The following TFB2M variants were observed in gnomAD, a reference collection of about 807,000 sequenced individuals.
TFB2M encodes transcription factor B2, mitochondrial.
Under a neutral mutation model 41.3 loss-of-function variants are expected in TFB2M, and 44 were observed. The observed-to-expected ratio is 1.07, with a 90% CI of 0.84 to 1.37. The LOEUF is 1.37. TFB2M is among the 40% of genes most tolerant of loss of function. The pLI, the probability that TFB2M is intolerant of heterozygous loss-of-function variation, is 0.00. For synonymous variants in TFB2M, 188 were observed against 176.8 expected (o/e 1.06, Z -0.50); for missense variants, 496 against 490.2 (o/e 1.01, Z -0.11).
In TFB2M at chr1:246,564,342, A is replaced by G; in HGVS notation, c.402+4T>C. 6.2e-7 allele frequency: 1 copy of G among 1,613,812 alleles called. No individual in the cohort carries two copies. Among genetic ancestry groups the G allele is most frequent in the South Asian group, 1.1e-5 (1 of 91,066 alleles). ...TAACATACGTTGAGAAACTAAAAAT[A>G]TACCTCCAAATGTGGAATAAAAGTT... On this transcript the variant is annotated splice_donor_region_variant and intron_variant, in intron 2 of 7. Coordinates refer to ENST00000366514, the MANE Select transcript of TFB2M (RefSeq NM_022366.3).
At chr1:246,550,662 T>C (rs1266090136) in intron 5 of TFB2M, among the ~76,000 whole-genome samples, 1 of 152,168 alleles carries the variant, frequency 6.6e-6, no homozygotes, top group Admixed American at 6.5e-5. Context: ...GGCGGGTAGA[T>C]CACCTGAGGT....
intron 1 of TFB2M, among the ~76,000 whole-genome samples, chr1:246,565,127 T>G (rs1170808394): frequency 6.6e-6 from 1 of 152,202 alleles, no homozygotes; most frequent in African/African-American, 2.4e-5. Flanking sequence ...CAGAACTGAC[T>G]CCCTGTGATA....
At chr1:246,552,811 C>T (rs1659222093) in intron 4 of TFB2M, among the ~76,000 whole-genome samples, 1 of 151,960 alleles carries the variant, frequency 6.6e-6, no homozygotes, top group African/African-American at 2.4e-5. Context: ...TGGTAGCTCA[C>T]ACTTGTAATC....
chr1:246,541,267 C>G, intron 7 of TFB2M, 65 bp from the exon 8 acceptor site: 2 of 1,481,362 alleles, frequency 1.4e-6, no homozygotes, highest in Non-Finnish European at 1.8e-6. Context: ...TTCACGGTGA[C>G]AGAAATGGCT....
chr1:246,556,994 C>T (rs938275948), intron 3 of TFB2M, among the ~76,000 whole-genome samples: 1 of 152,032 alleles, frequency 6.6e-6, no homozygotes, highest in African/African-American at 2.4e-5. Context: ...ACAAATTCGG[C>T]GGGGTACGGT....
chr1:246,565,545 C>G (rs1224450359), intron 1 of TFB2M, among the ~76,000 whole-genome samples: 1 of 152,124 alleles, frequency 6.6e-6, no homozygotes, highest in Non-Finnish European at 1.5e-5. Context: ...AATCCCGTCT[C>G]TAGTAAAAAT....
intron 3 of TFB2M, 49 bp downstream of exon 3, chr1:246,557,332 G>A (rs770411081): frequency 3.2e-6 from 5 of 1,574,334 alleles, no homozygotes; most frequent in Admixed American, 1.9e-5. Flanking sequence ...TACTGCTAGA[G>A]ACACCTGGCA....
intron 7 of TFB2M, 24 bp from the exon 8 acceptor site, chr1:246,541,226 T>C (rs1278820524): frequency 5.6e-6 from 9 of 1,606,034 alleles, no homozygotes; most frequent in Non-Finnish European, 7.7e-6. Flanking sequence ...ACAAAGTAAA[T>C]GTACTTAATT....
chr1:246,557,291 T>C, intron 3 of TFB2M, 90 bp downstream of exon 3: 1 of 1,435,130 alleles, frequency 7.0e-7, no homozygotes, highest in Non-Finnish European at 9.5e-7. Context: ...AACAAATAAA[T>C]AAAACACAAA....
chr1:246,560,128 T>C (rs146691019), intron 2 of TFB2M, among the ~76,000 whole-genome samples: 1 of 152,148 alleles, frequency 6.6e-6, no homozygotes, highest in Non-Finnish European at 1.5e-5. Context: ...GCCACTGTTC[T>C]TATTACTGTA....
chr1:246,542,217 G>A (rs1224157901), intron 7 of TFB2M, among the ~76,000 whole-genome samples: 1 of 150,958 alleles, frequency 6.6e-6, no homozygotes, highest in Non-Finnish European at 1.5e-5. Flanking sequence ...GAGGTATAAC[G>A]AACACGCCTC....
rs1659285051 is a variant in TFB2M at position 246,555,067 on chromosome 1, C to T, written c.705+1506G>A. ...GAACAGACATTTCTTAAAAGATATA[C>T]AGTCAGTACGTACATAAAAATATAT... On this transcript the variant is annotated intron_variant, in intron 4 of 7. Transcript: ENST00000366514. Among the ~76,000 whole-genome samples, 4 of 152,144 alleles carry T rather than the reference C, an allele frequency of 2.6e-5. No individual in the cohort carries two copies. The South Asian group carries it at 8.3e-4, about 31-fold the overall frequency.
At chr1:246,557,724 G>A (rs1369440507) in intron 2 of TFB2M, among the ~76,000 whole-genome samples, 190 bp from the exon 3 acceptor site, 6 of 152,210 alleles carry the variant, frequency 3.9e-5, no homozygotes, top group Non-Finnish European at 5.9e-5. Context: ...CCAGGCTGGA[G>A]TGCAGTGGCG....
chr1:246,547,535 T>C (rs1279679753), intron 6 of TFB2M, among the ~76,000 whole-genome samples: 2 of 152,174 alleles, frequency 1.3e-5, no homozygotes, highest in East Asian at 3.8e-4. Context: ...AATCACAACA[T>C]TGAAAGAAAA....
chr1:246,565,948 G>C lies in TFB2M; in HGVS notation c.191C>G (p.Ala64Gly), dbSNP rs1294155368. ...EPDFRNPPRK[A>G]SKASLDFKRY... The stretch of plus-strand genomic sequence containing the variant: ...CTTAAAGTCTAAGCTGGCCTTAGAC[G>C]CCTTCCTTGGCGGATTCCTGAAATC... Residue 64 changes from alanine (A) to glycine (G), a missense_variant, in exon 1 of 8, where the codon GCG becomes GGG. Physicochemically the swap from Ala to Gly is moderately conservative, Grantham distance 60. Transcript: ENST00000366514. 2 of 1,614,194 alleles carry C rather than the reference G, an allele frequency of 1.2e-6. No individual in the cohort carries two copies. Among genetic ancestry groups the C allele is most frequent in the Non-Finnish European group, 8.5e-7 (1 of 1,180,038 alleles).
chr1:246,548,435 A>G (rs1194840836), intron 6 of TFB2M, 110 bp downstream of exon 6: 2 of 841,964 alleles, frequency 2.4e-6, no homozygotes, highest in Non-Finnish European at 3.6e-6. Flanking sequence ...ATGTTTCTAG[A>G]TATTTTAAAA....
At chr1:246,565,758 C>G (rs1659637380) in intron 1 of TFB2M, 68 bp downstream of exon 1, 3 of 1,512,994 alleles carry the variant, frequency 2.0e-6, no homozygotes, top group Non-Finnish European at 2.7e-6. Flanking sequence ...AAAATAGCAC[C>G]CCGAGGAGGG....
rs57261732 is a variant in TFB2M, at chr1:246,546,312, T to TAAAAAAAGAAAA, written c.859-1643_859-1632dup. The stretch of plus-strand genomic sequence containing the variant: ...GGGAGAAGAGTGAGACACTGTCTTT[T>TAAAAAAAGAAAA]AAAAAAAGAAAAAAAAATAGGCTGG... On this transcript the variant is annotated intron_variant, in intron 6 of 7. Coordinates refer to ENST00000366514, the MANE Select transcript of TFB2M (RefSeq NM_022366.3). 2.1e-5 allele frequency among the ~76,000 whole-genome samples: 3 copies of TAAAAAAAGAAAA among 140,204 alleles called. 1 individual carries two copies. The highest frequency in any genetic ancestry group is 7.9e-5 in the African/African-American group (3 of 37,986). The allele number at this position is 140,204 out of a possible 152,430, so 92.0% of individuals were successfully genotyped here. A position where few individuals can be genotyped will look rare whatever the true frequency, so the allele number is the denominator to read the frequency against.
intron 4 of TFB2M, among the ~76,000 whole-genome samples, chr1:246,552,922 G>T (rs536320488): frequency 2.2e-4 from 33 of 151,598 alleles, no homozygotes; most frequent in African/African-American, 7.7e-4. Flanking sequence ...TAAAAACAAA[G>T]GGAGGGAAAA....
Sources: allele counts gnomAD v4.1 joint callset (sites outside exome capture counted in the v4.1 genomes callset), GRCh38; gene constraint gnomAD v4.1.1; transcripts MANE v1.5; gene names NCBI Gene and HGNC (gene_info 2026-07-23, HGNC 2026-07-21).